SORBS2: variants seen among roughly 807,000 people sequenced by gnomAD.
SORBS2 encodes sorbin and SH3 domain containing 2.
SORBS2 carries 46 observed loss-of-function variants against 97.7 expected under a neutral mutation model. The ratio of observed to expected loss-of-function variants is 0.47; its 90% confidence interval spans 0.37 to 0.60. The LOEUF (loss-of-function observed/expected upper bound fraction) is 0.60, where lower values mean the gene tolerates loss of function less well. SORBS2 is among the 20% of genes least tolerant of loss of function. The pLI, the probability that SORBS2 is intolerant of heterozygous loss-of-function variation, is 0.00. For missense variants in SORBS2, 1,316 were observed against 1,282.3 expected, an observed-to-expected ratio of 1.03 and a Z score of -0.40; for synonymous variants, 476 against 473.4, an observed-to-expected ratio of 1.01 and a Z score of -0.07.
In SORBS2 at chr4:185,946,620, A is replaced by T. The variant is rs117567687; in HGVS notation, c.-338+9576T>A. 6.1e-3 allele frequency among the ~76,000 whole-genome samples: 925 copies of T among 152,308 alleles called. 21 individuals are homozygous for T. The East Asian group carries it at 0.09, about 15-fold the overall frequency. Reference sequence around the variant, plus strand: ...GAAATACAAAGCAAAGTAAACAAACAAACATCCTTCCATCTCCTCATCCAC... The same window carrying T: ...GAAATACAAAGCAAAGTAAACAAACTAACATCCTTCCATCTCCTCATCCAC... On this transcript the variant is annotated intron_variant, in intron 1 of 20. Transcript: ENST00000284776.
intron 2 of SORBS2, among the ~76,000 whole-genome samples, chr4:185,701,465 T>C (rs2098261485): frequency 6.6e-6 from 1 of 152,212 alleles, no homozygotes; most frequent in African/African-American, 2.4e-5. Flanking sequence ...ATCTGATACC[T>C]ACTGACTTCA....
intron 2 of SORBS2, among the ~76,000 whole-genome samples, chr4:185,698,893 TTTCA>T (rs2153529088): frequency 6.6e-6 from 1 of 152,256 alleles, no homozygotes; most frequent in East Asian, 1.9e-4. Context: ...TCCTTAGAAT[TTTCA>T]GTTAGTAAGT....
intron 1 of SORBS2, among the ~76,000 whole-genome samples, chr4:185,813,915 G>A (rs1186036981): frequency 6.6e-6 from 1 of 152,026 alleles, no homozygotes; most frequent in African/African-American, 2.4e-5. Flanking sequence ...CAACTCTCTG[G>A]AAGCCAATCT....
intron 1 of SORBS2, among the ~76,000 whole-genome samples, chr4:185,895,614 T>C (rs2149814305): frequency 6.6e-6 from 1 of 152,168 alleles, no homozygotes; most frequent in African/African-American, 2.4e-5. Flanking sequence ...TTGCTCAGAG[T>C]CAGGTCTCAG....
chr4:185,802,254 T>C (rs1376626175), intron 1 of SORBS2, among the ~76,000 whole-genome samples: 1 of 152,222 alleles, frequency 6.6e-6, no homozygotes, highest in Non-Finnish European at 1.5e-5. Flanking sequence ...TCACCTTCTA[T>C]CTTAAATTAC....
intron 1 of SORBS2, among the ~76,000 whole-genome samples, chr4:185,914,445 A>G (rs948261637): frequency 1.3e-4 from 20 of 152,220 alleles, no homozygotes; most frequent in African/African-American, 4.6e-4. Context: ...AATCTAGCCT[A>G]CAGAGTTGCT....
chr4:185,837,886 C>T (rs1028251484), intron 1 of SORBS2, among the ~76,000 whole-genome samples: 2 of 150,016 alleles, frequency 1.3e-5, no homozygotes, highest in East Asian at 3.9e-4. Flanking sequence ...AAAAAAGATT[C>T]TGGATTCTTT....
At position 185,767,499 on chromosome 4, in the gene SORBS2, C is replaced by CAA. The variant is rs70962594; in HGVS notation, c.-198+7726_-198+7727dup. Among the ~76,000 whole-genome samples, 442 of 60,290 alleles carry CAA rather than the reference C, an allele frequency of 7.3e-3. 5 individuals carry two copies. Among genetic ancestry groups the CAA allele is most frequent in the Middle Eastern group, 9.1e-3 (1 of 110 alleles). 39.6% of individuals were successfully genotyped at this position (60,290 alleles called of 152,430 possible). On this transcript the variant is annotated intron_variant, in intron 2 of 20. Coordinates refer to the SORBS2 transcript ENST00000284776. ...TGGGCGACAGAGTGAGACTCTGTCT[C>CAA]AAAAAAAAAAAAAAAAAAAAGAGAA...
intron 1 of SORBS2, among the ~76,000 whole-genome samples, chr4:185,846,681 T>C (rs897290648): frequency 6.6e-6 from 1 of 152,214 alleles, no homozygotes; most frequent in African/African-American, 2.4e-5. Context: ...ATAGCGTACA[T>C]TTATTCAATG....
At position 185,806,434 on chromosome 4, in the gene SORBS2, C is replaced by CTGTTTTTTTTTTTTTTTT. The variant is rs2099153884; in HGVS notation, c.-337-31069_-337-31068insAAAAAAAAAAAAAAAACA. ...AGTGGCACAGCTCTTGGCTAGAATC[C>CTGTTTTTTTTTTTTTTTT]TATTTTTTTTTTTTTTTTTTTTTTT... is the stretch of plus-strand genomic sequence containing the variant. On this transcript the variant is annotated intron_variant, in intron 1 of 20. Transcript: ENST00000284776. Among the ~76,000 whole-genome samples, 4 of 108,110 alleles carry CTGTTTTTTTTTTTTTTTT rather than the reference C, an allele frequency of 3.7e-5. 2 individuals carry two copies. Among genetic ancestry groups the CTGTTTTTTTTTTTTTTTT allele is most frequent in the African/African-American group, 1.5e-4 (4 of 27,232 alleles). The allele number at this position is 108,110 out of a possible 152,430, so 70.9% of individuals were successfully genotyped here.
chr4:185,807,596 A>G (rs1323698226), intron 1 of SORBS2, among the ~76,000 whole-genome samples: 1 of 152,214 alleles, frequency 6.6e-6, no homozygotes, highest in Non-Finnish European at 1.5e-5. Flanking sequence ...TCATTTATTC[A>G]GCAAATATCA....
intron 2 of SORBS2, among the ~76,000 whole-genome samples, chr4:185,768,164 C>T (rs776956030): frequency 2.6e-5 from 4 of 152,134 alleles, no homozygotes; most frequent in Non-Finnish European, 4.4e-5. Flanking sequence ...GGTGTATGTG[C>T]CCAGCTCTCC....
At chr4:185,842,050 G>A (rs924014611) in intron 1 of SORBS2, among the ~76,000 whole-genome samples, 2 of 152,182 alleles carry the variant, frequency 1.3e-5, no homozygotes. Context: ...CAATGCTCCT[G>A]CCCTCAAGGA....
At chr4:185,637,680 C>G (rs2097042236) in intron 4 of SORBS2, among the ~76,000 whole-genome samples, 1 of 152,080 alleles carries the variant, frequency 6.6e-6, no homozygotes. Context: ...CCCGCACTCT[C>G]CAGGTGCCTG....
At chr4:185,820,033 G>C (rs974473871) in intron 1 of SORBS2, among the ~76,000 whole-genome samples, 4 of 152,118 alleles carry the variant, frequency 2.6e-5, no homozygotes, top group Admixed American at 6.5e-5. Context: ...AGCATAAAAG[G>C]GTATTAGGTA....
chr4:185,679,042 A>T (rs2097836338), intron 2 of SORBS2, among the ~76,000 whole-genome samples: 1 of 152,164 alleles, frequency 6.6e-6, no homozygotes, highest in African/African-American at 2.4e-5. Context: ...ATATCTATAT[A>T]GTAAACACTC....
chr4:185,776,343 T>G (rs2098999523), intron 1 of SORBS2, among the ~76,000 whole-genome samples: 1 of 152,178 alleles, frequency 6.6e-6, no homozygotes, highest in Non-Finnish European at 1.5e-5. Context: ...CTTTCTATTG[T>G]GGATGAAGGA....
At chr4:185,757,858 A>T (rs931687946) in intron 2 of SORBS2, among the ~76,000 whole-genome samples, 3 of 152,258 alleles carry the variant, frequency 2.0e-5, no homozygotes, top group Non-Finnish European at 4.4e-5. Context: ...GTAAAATTTA[A>T]AAATGAGACC....
intron 1 of SORBS2, among the ~76,000 whole-genome samples, chr4:185,916,408 C>G (rs150770115): frequency 6.6e-6 from 1 of 152,204 alleles, no homozygotes; most frequent in African/African-American, 2.4e-5. Flanking sequence ...GTGCCTGTCA[C>G]GCCCACAGTT....
Sources: allele counts gnomAD v4.1 joint callset (sites outside exome capture counted in the v4.1 genomes callset), GRCh38; gene constraint gnomAD v4.1.1; transcripts MANE v1.5; gene names NCBI Gene and HGNC (gene_info 2026-07-23, HGNC 2026-07-21).